The following KLHL29 variants were observed in gnomAD, a reference collection of about 807,000 sequenced individuals.
The protein encoded by KLHL29 is kelch like family member 29.
Under a neutral mutation model 80.4 loss-of-function variants are expected in KLHL29, and 21 were observed. That is an observed-to-expected ratio of 0.26 (90% confidence interval 0.19 to 0.38). The LOEUF is 0.38. KLHL29 is among the 10% of genes least tolerant of loss of function. The pLI is 1.00. For missense variants in KLHL29, 867 were observed against 1,223.9 expected, an observed-to-expected ratio of 0.71 and a Z score of 4.35; for synonymous variants, 511 against 526.8, an observed-to-expected ratio of 0.97 and a Z score of 0.41.
chr2:23,408,868 C>T (rs1480825633), intron 1 of KLHL29, among the ~76,000 whole-genome samples: 2 of 152,146 alleles, frequency 1.3e-5, no homozygotes, highest in Non-Finnish European at 2.9e-5. Flanking sequence ...GTATTTGGGG[C>T]ATACGGTGTT....
chr2:23,568,028 A>G (rs1358196346), intron 3 of KLHL29, among the ~76,000 whole-genome samples: 1 of 152,242 alleles, frequency 6.6e-6, no homozygotes, highest in East Asian at 1.9e-4. Flanking sequence ...CCCACCTGTC[A>G]GTCACAAAGT....
intron 1 of KLHL29, among the ~76,000 whole-genome samples, chr2:23,462,465 A>G (rs566390905): frequency 7.3e-4 from 111 of 152,260 alleles, no homozygotes; most frequent in African/African-American, 2.6e-3. Context: ...GTCACTAGGG[A>G]GTCTGGAGGG....
chr2:23,579,169 T>A lies in KLHL29; in HGVS notation c.285+16688T>A, dbSNP rs114313315. On this transcript the variant is annotated intron_variant, in intron 3 of 13. Transcript: ENST00000486442. The stretch of plus-strand genomic sequence containing the variant: ...AGAGCTTTCCATGTTTTGTCTCCAT[T>A]CTTAGAGCAACCCCATGTGGTAAGT... Among the ~76,000 whole-genome samples, 247 of 152,336 alleles carry A rather than the reference T, an allele frequency of 1.6e-3. 1 individual carries two copies. The highest frequency in any genetic ancestry group is 5.7e-3 in the African/African-American group (237 of 41,574).
At chr2:23,516,785 G>A (rs1196341391) in intron 2 of KLHL29, among the ~76,000 whole-genome samples, 1 of 152,254 alleles carries the variant, frequency 6.6e-6, no homozygotes, top group Non-Finnish European at 1.5e-5. Flanking sequence ...GCACTGGGGA[G>A]GCCACAGAGG....
intron 5 of KLHL29, among the ~76,000 whole-genome samples, chr2:23,654,701 G>A (rs888464635): frequency 1.7e-5 from 2 of 118,068 alleles, no homozygotes; most frequent in African/African-American, 2.7e-5. Flanking sequence ...GAGGTTGGGG[G>A]GGGGGGGTGG....
intron 1 of KLHL29, among the ~76,000 whole-genome samples, chr2:23,419,034 C>G (rs904754594): frequency 2.0e-5 from 3 of 152,174 alleles, no homozygotes; most frequent in Admixed American, 6.5e-5. Context: ...CCAACTCCTG[C>G]CCCGTCACAC....
intron 3 of KLHL29, among the ~76,000 whole-genome samples, chr2:23,581,854 T>G (rs145202614): frequency 2.8e-5 from 4 of 145,180 alleles, no homozygotes; most frequent in African/African-American, 5.0e-5. Context: ...AAACTTTTAT[T>G]TGAGGTTCAG....
At chr2:23,454,850 C>G (rs1157114314) in intron 1 of KLHL29, among the ~76,000 whole-genome samples, 1 of 152,018 alleles carries the variant, frequency 6.6e-6, no homozygotes, top group African/African-American at 2.4e-5. Flanking sequence ...CCACCAGACA[C>G]TATGCCAGGT....
At chr2:23,609,522 C>A (rs1015796217) in intron 3 of KLHL29, among the ~76,000 whole-genome samples, 12 of 151,898 alleles carry the variant, frequency 7.9e-5, no homozygotes, top group African/African-American at 2.9e-4. Flanking sequence ...CTTCAGAATG[C>A]GCCCCCCTCG....
chr2:23,602,545 C>G (rs969411409), intron 3 of KLHL29, among the ~76,000 whole-genome samples: 1 of 151,706 alleles, frequency 6.6e-6, no homozygotes, highest in Non-Finnish European at 1.5e-5. Flanking sequence ...AAAGCTGTGA[C>G]TGTGGCTTAA....
At position 23,484,484 on chromosome 2, in the gene KLHL29, G is replaced by A. The variant is rs570557189; in HGVS notation, c.-46+8817G>A. On this transcript the variant is annotated intron_variant, in intron 2 of 13. Transcript: ENST00000486442. ...CAGCACAGGAGGCAACAATTAACCC[G>A]GCACTCCGTTCTCTAGGTACACAGG... Among the ~76,000 whole-genome samples the A allele has an allele frequency of 2.1e-3, 324 of 152,254 alleles. 1 individual carries two copies. Among genetic ancestry groups the A allele is most frequent in the South Asian group, 5.2e-3 (25 of 4,822 alleles).
chr2:23,508,244 G>A (rs1665662224), intron 2 of KLHL29, among the ~76,000 whole-genome samples: 1 of 152,232 alleles, frequency 6.6e-6, no homozygotes, highest in Non-Finnish European at 1.5e-5. Context: ...AGATTCTGTA[G>A]GTCAGGACTT....
chr2:23,686,800 G>A (rs1409906494), intron 6 of KLHL29, among the ~76,000 whole-genome samples: 7 of 152,136 alleles, frequency 4.6e-5, no homozygotes, highest in Non-Finnish European at 5.9e-5. Flanking sequence ...GGGGCTGGGG[G>A]GCCTTCAGCA....
rs1302256156 is a variant in KLHL29 at position 23,458,000 on chromosome 2, G to A, written c.-153-17560G>A. On this transcript the variant is annotated intron_variant, in intron 1 of 13. Transcript: ENST00000486442. This position sits in a 1 kb window ranked among gnomAD's most constrained non-coding sequence, Gnocchi z 4.3. ...TGCACTCCAGCCTGGGCGACAGAGC[G>A]AGACTCTGTCTCAAAAAATAAAAAT... is the stretch of plus-strand genomic sequence containing the variant. 3.9e-5 allele frequency among the ~76,000 whole-genome samples: 6 copies of A among 152,084 alleles called. No individual in the cohort carries two copies. The highest frequency in any genetic ancestry group is 4.2e-4 in the South Asian group (2 of 4,810).
At chr2:23,470,652 A>G (rs1664471837) in intron 1 of KLHL29, among the ~76,000 whole-genome samples, 2 of 152,220 alleles carry the variant, frequency 1.3e-5, no homozygotes, top group Non-Finnish European at 2.9e-5. Context: ...TTCTTTGAAT[A>G]CAGCCTACAA....
At chr2:23,415,427 G>C (rs1004491917) in intron 1 of KLHL29, among the ~76,000 whole-genome samples, 5 of 152,212 alleles carry the variant, frequency 3.3e-5, no homozygotes, top group Admixed American at 3.3e-4. Context: ...TGAAGCGAAG[G>C]TGATTAGGTT....
intron 2 of KLHL29, among the ~76,000 whole-genome samples, chr2:23,509,794 G>T (rs959417777): frequency 6.6e-6 from 1 of 152,104 alleles, no homozygotes; most frequent in Non-Finnish European, 1.5e-5. Flanking sequence ...GCTGTGACCC[G>T]GGGGGTGGTG....
chr2:23,653,460 C>T (rs942742612), intron 5 of KLHL29, among the ~76,000 whole-genome samples: 7 of 152,336 alleles, frequency 4.6e-5, no homozygotes, highest in African/African-American at 7.2e-5. Context: ...ATGTGGTGCA[C>T]GCTGCCAGCC....
chr2:23,434,091 A>G (rs922722897), intron 1 of KLHL29, among the ~76,000 whole-genome samples: 1 of 151,872 alleles, frequency 6.6e-6, no homozygotes, highest in Non-Finnish European at 1.5e-5. Flanking sequence ...GGAGGCCGAG[A>G]CGGGCGGATC....
Sources: gnomAD v4.1 joint callset for allele counts (sites outside exome capture counted in the v4.1 genomes callset) on GRCh38, gnomAD v4.1.1 for gene constraint, Gnocchi (gnomAD v3.1) non-coding constraint, MANE v1.5 for transcripts, NCBI Gene and HGNC (gene_info 2026-07-23, HGNC 2026-07-21) for gene names.